The following USH2A variants were observed in gnomAD, a reference collection of about 807,000 sequenced individuals.
USH2A encodes Usher syndrome 2A (autosomal recessive, mild).
USH2A carries 443 observed loss-of-function variants against 538.9 expected under a neutral mutation model. The observed-to-expected ratio is 0.82, with a 90% CI of 0.76 to 0.89. The LOEUF is 0.89. Ranked by LOEUF, USH2A falls within the 40% of genes least tolerant of loss-of-function variation. The pLI is 0.00. For synonymous variants in USH2A, 2,413 were observed against 2,273.5 expected (o/e 1.06, Z -1.75); for missense variants, 6,633 against 6,324.8 (o/e 1.05, Z -1.65).
intron 29 of USH2A, among the ~76,000 whole-genome samples, chr1:216,072,011 A>T (rs75973754): frequency 0.075 from 11,445 of 152,242 alleles, 479 homozygotes; most frequent in African/African-American, 0.1. Context: ...TTAGATTAAG[A>T]AGATTCCTCA....
chr1:215,811,981 GTTTTTTT>G (rs753767378), intron 49 of USH2A, among the ~76,000 whole-genome samples: 1 of 78,788 alleles, frequency 1.3e-5, no homozygotes, highest in Non-Finnish European at 2.3e-5. Flanking sequence ...AACCCCTAGG[GTTTTTTT>G]TTTTTTTTTT....
intron 61 of USH2A, among the ~76,000 whole-genome samples, chr1:215,686,531 T>G (rs892563916): frequency 6.6e-6 from 1 of 152,070 alleles, no homozygotes; most frequent in African/African-American, 2.4e-5. Flanking sequence ...GTGATAAGAC[T>G]AAAGAGGGCT....
At chr1:216,348,098 T>G (rs1040837638) in intron 4 of USH2A, among the ~76,000 whole-genome samples, 3 of 152,304 alleles carry the variant, frequency 2.0e-5, no homozygotes, top group African/African-American at 7.2e-5. Context: ...AACAATTGAG[T>G]AAATTTTACT....
chr1:216,080,927 C>T (rs1386609743), intron 26 of USH2A, among the ~76,000 whole-genome samples: 1 of 151,646 alleles, frequency 6.6e-6, no homozygotes, highest in Admixed American at 6.6e-5. Flanking sequence ...GTGAGACTAC[C>T]TGAAGACATT....
intron 3 of USH2A, among the ~76,000 whole-genome samples, chr1:216,369,072 C>T (rs2038653072): frequency 6.6e-6 from 1 of 151,884 alleles, no homozygotes; most frequent in Admixed American, 6.6e-5. Flanking sequence ...AAAAAGAAAA[C>T]CACTGTAATA....
intron 14 of USH2A, among the ~76,000 whole-genome samples, chr1:216,227,054 A>G (rs767540282): frequency 5.9e-5 from 9 of 151,678 alleles, no homozygotes; most frequent in Non-Finnish European, 1.2e-4. Flanking sequence ...AGCACCACTG[A>G]CCCCTCCCTT....
At chr1:215,696,625 C>T (rs1036578966) in intron 61 of USH2A, among the ~76,000 whole-genome samples, 14 of 152,210 alleles carry the variant, frequency 9.2e-5, no homozygotes, top group African/African-American at 2.9e-4. Flanking sequence ...TGGTTGTTGG[C>T]TATGCAATGG....
At chr1:216,357,300 C>G (rs1243795586) in intron 4 of USH2A, among the ~76,000 whole-genome samples, 1 of 152,108 alleles carries the variant, frequency 6.6e-6, no homozygotes, top group African/African-American at 2.4e-5. Flanking sequence ...TACTCTTCTT[C>G]CATTCCAATC....
chr1:216,279,564 G>A (rs1404132331), intron 11 of USH2A, among the ~76,000 whole-genome samples: 2 of 152,060 alleles, frequency 1.3e-5, no homozygotes, highest in East Asian at 3.9e-4. Flanking sequence ...TTTTACACAT[G>A]TAAAATCTGA....
intron 67 of USH2A, 82 bp from the exon 68 acceptor site, chr1:215,640,816 G>C: frequency 4.1e-6 from 5 of 1,205,034 alleles, no homozygotes; most frequent in East Asian, 2.6e-5. Flanking sequence ...AAAAAAATAT[G>C]AGCAAAATCA....
intron 38 of USH2A, among the ~76,000 whole-genome samples, chr1:215,932,195 C>A (rs116021584): frequency 1.3e-5 from 2 of 151,862 alleles, no homozygotes; most frequent in African/African-American, 2.4e-5. Context: ...AAGGAAATGG[C>A]AATAATGATA....
At chr1:216,259,641 A>G (rs145305880) in intron 11 of USH2A, among the ~76,000 whole-genome samples, 1,679 of 152,262 alleles carry the variant, frequency 0.011, 29 homozygotes, top group African/African-American at 0.038. Context: ...CTAGGGCAGA[A>G]TAAGTAAAAA....
At chr1:215,643,905 CT>C (rs1656769070) in intron 67 of USH2A, among the ~76,000 whole-genome samples, 1 of 152,138 alleles carries the variant, frequency 6.6e-6, no homozygotes, top group Non-Finnish European at 1.5e-5. Context: ...AAAAGCTAAG[CT>C]TCATGACTCA....
chr1:216,122,059 A>C (rs536597285), intron 21 of USH2A, among the ~76,000 whole-genome samples: 1 of 152,330 alleles, frequency 6.6e-6, no homozygotes, highest in East Asian at 1.9e-4. Context: ...CATAATGAAA[A>C]TGTAGGGCTG....
At chr1:215,854,964 A>G (rs992194945) in intron 44 of USH2A, among the ~76,000 whole-genome samples, 4 of 152,136 alleles carry the variant, frequency 2.6e-5, no homozygotes, top group Admixed American at 1.3e-4. Context: ...TTGCTTATCT[A>G]TGTCTGCAGT....
chr1:215,827,395 A>G (rs1034173817), intron 47 of USH2A, among the ~76,000 whole-genome samples: 1 of 152,176 alleles, frequency 6.6e-6, no homozygotes, highest in Non-Finnish European at 1.5e-5. Context: ...GGGAGCTACA[A>G]GAGGTAAAGA....
Position 216,325,421 on chromosome 1 carries a change from A to G in USH2A, c.1027T>C (p.Ser343Pro), listed in dbSNP as rs397517965. 6 of 1,613,930 alleles carry G rather than the reference A, an allele frequency of 3.7e-6. No homozygotes were observed. The highest frequency in any genetic ancestry group is 1.7e-4 in the Middle Eastern group (1 of 6,058). ...CCAACATCATTATCATTGACAAAAGAGAGAGGATGGGCTTCAGGATTCAAC... is the reference window on the plus strand; with the variant it reads ...CCAACATCATTATCATTGACAAAAGGGAGAGGATGGGCTTCAGGATTCAAC... ...SRLNPEAHPL[S>P]FVNDNDVGTS... Residue 343 changes from serine to proline, a missense_variant, in exon 6 of 72, where the codon TCT becomes CCT. Transcript: ENST00000307340.
intron 38 of USH2A, among the ~76,000 whole-genome samples, chr1:215,934,337 G>GAT (rs1007901787): frequency 6.6e-6 from 1 of 151,702 alleles, no homozygotes. Context: ...CAGAAATCCA[G>GAT]ATATATATAT....
intron 21 of USH2A, among the ~76,000 whole-genome samples, chr1:216,118,620 C>T (rs2033062298): frequency 6.6e-6 from 1 of 152,208 alleles, no homozygotes; most frequent in Admixed American, 6.5e-5. Flanking sequence ...ACATGATCGC[C>T]ACTCCAAGAG....
Sources: gnomAD v4.1 joint callset for allele counts (sites outside exome capture counted in the v4.1 genomes callset) on GRCh38, gnomAD v4.1.1 for gene constraint, MANE v1.5 for transcripts, NCBI Gene and HGNC (gene_info 2026-07-23, HGNC 2026-07-21) for gene names.